The following DELE1 variants were observed in gnomAD, a reference collection of about 807,000 sequenced individuals.
DELE1 encodes DAP3 binding cell death enhancer 1.
In DELE1, 54 loss-of-function variants were observed where a neutral mutation model predicts 59.3. The observed-to-expected ratio is 0.91, with a 90% CI of 0.73 to 1.14. The LOEUF (loss-of-function observed/expected upper bound fraction) is 1.14. DELE1 is among the 50% of genes most tolerant of loss of function. The pLI, the probability that DELE1 is intolerant of heterozygous loss-of-function variation, is 0.00. For missense variants in DELE1, 636 were observed against 643.9 expected (o/e 0.99, Z 0.13); for synonymous variants, 264 against 259.1 (o/e 1.02, Z -0.18).
Position 141,933,380 on chromosome 5 carries a change from C to A in DELE1, c.876C>A (p.Gly292=). 6.6e-7 allele frequency: 1 copy of A among 1,515,560 alleles called. No individual in the cohort carries two copies. Among genetic ancestry groups the A allele is most frequent in the Non-Finnish European group, 9.0e-7 (1 of 1,112,884 alleles). 93.9% of individuals were successfully genotyped at this position (1,515,560 alleles called of 1,614,324 possible). Reference sequence around the variant, plus strand: ...GCTTGTGTCATGAGCATGGCAGAGGCACCCCCAGGGACATTAGCAAGGTAT... The same window carrying A: ...GCTTGTGTCATGAGCATGGCAGAGGAACCCCCAGGGACATTAGCAAGGTAT... The part of the protein sequence containing the change: ...NAGLCHEHGR[G]TPRDISKAVL... Residue 292 remains glycine, a synonymous_variant, in exon 8 of 12, where the codon GGC becomes GGA. Coordinates refer to ENST00000432126, the MANE Select transcript of DELE1 (RefSeq NM_014773.5).
In DELE1 at chr5:141,938,629, C is replaced by G. The variant is rs140060216; in HGVS notation, c.1418C>G (p.Ser473Trp). The change falls in exon 12 of 12, where the codon TCG (serine) becomes TGG (tryptophan). Residue 473 changes from serine to tryptophan, a missense_variant. Transcript: ENST00000432126. ...LAGTSRLPHA[S>W]STGNLGLLCR... ...GGAACCTCACGCCTACCACATGCCTCGAGCACAGGCAACCTTGGCCTCCTC... is the reference window on the plus strand; with the variant it reads ...GGAACCTCACGCCTACCACATGCCTGGAGCACAGGCAACCTTGGCCTCCTC... 42 of 1,614,030 alleles carry G rather than the reference C, an allele frequency of 2.6e-5. No homozygotes were observed. In the African/African-American group the frequency reaches 5.5e-4, roughly 21 times the overall value.
Position 141,937,247 on chromosome 5 carries a change from G to A in DELE1, c.1199G>A (p.Gly400Asp). 6.2e-7 allele frequency: 1 copy of A among 1,614,232 alleles called. No individual in the cohort carries two copies. The highest frequency in any genetic ancestry group is 1.1e-5 in the South Asian group (1 of 91,084). ...HLGICYEKGL[G>D]VQRNLGEALR... is the part of the protein sequence containing the mutation. ...GGAATTTGCTATGAGAAAGGCCTTG[G>A]TGTGCAGAGGAATCTGGGAGAGGCC... Residue 400 changes from glycine (G) to aspartate (D), a missense_variant, in exon 11 of 12, where the codon GGT becomes GAT. Physicochemically the swap from Gly to Asp is moderately conservative, Grantham distance 94. Transcript: ENST00000432126.
In DELE1 at chr5:141,923,964, T is replaced by G. The variant is rs1209601500; in HGVS notation, c.23T>G (p.Leu8Arg). 1.6e-5 allele frequency: 26 copies of G among 1,609,710 alleles called. No homozygotes were observed. Among genetic ancestry groups the G allele is most frequent in the Non-Finnish European group, 2.2e-5 (26 of 1,178,338 alleles). The change falls in exon 1 of 12, where the codon CTG becomes CGG. Residue 8 changes from leucine to arginine, a missense_variant. Leu to Arg is a moderately radical substitution (Grantham distance 102). Transcript: ENST00000432126. MWRLPGL[L>R]GRALPRTLGP... is the part of the protein sequence containing the mutation. ...GACATGTGGCGCCTCCCGGGACTCC[T>G]GGGCCGAGGTAAGGGACGTCCAAGC...
chr5:141,937,770 C>CA (rs1172381549), intron 11 of DELE1, among the ~76,000 whole-genome samples: 3,016 of 61,172 alleles, frequency 0.049, 533 homozygotes, highest in African/African-American at 0.17. Context: ...GATTCTGTTT[C>CA]AAAAAAAAAA....
intron 2 of DELE1, 50 bp from the exon 3 acceptor site, chr5:141,925,360 C>T (rs772316603): frequency 1.5e-6 from 2 of 1,294,998 alleles, no homozygotes; most frequent in Admixed American, 2.4e-5. Context: ...CGCACCCAGT[C>T]CCTGGTCTCC....
At position 141,934,342 on chromosome 5, in the gene DELE1, G is replaced by A; in HGVS notation, c.1000G>A (p.Glu334Lys). The stretch of plus-strand genomic sequence containing the variant: ...AGACCCAGCCTCTTCGTGGAACCCT[G>A]AGCGGCAGAGGGCAGTGTCCTTGCT... ...LRDPASSWNP[E>K]RQRAVSLLKQ... Residue 334 changes from glutamate to lysine, a missense_variant, in exon 9 of 12, where the codon GAG becomes AAG. Transcript: ENST00000432126. 6.2e-7 allele frequency: 1 copy of A among 1,614,212 alleles called. No individual in the cohort carries two copies. The highest frequency in any genetic ancestry group is 8.5e-7 in the Non-Finnish European group (1 of 1,180,044).
At chr5:141,937,474 A>T (rs1320403359) in intron 11 of DELE1, 117 bp downstream of exon 11, 2 of 1,255,308 alleles carry the variant, frequency 1.6e-6, no homozygotes, top group Non-Finnish European at 2.2e-6. Context: ...GTGGTGGCTA[A>T]GAATGCAGCT....
chr5:141,930,923 A>G (rs1193907909), intron 7 of DELE1, among the ~76,000 whole-genome samples: 1 of 152,200 alleles, frequency 6.6e-6, no homozygotes, highest in African/African-American at 2.4e-5. Context: ...ATTCACAACA[A>G]ATTTGTTGAG....
Position 141,938,714 on chromosome 5 carries a change from C to T in DELE1, c.1503C>T (p.His501=). The part of the protein sequence containing the change: ...LEASSRAIPP[H]PYPLERSVVR... ...CCTCCAGCAGGGCTATTCCCCCACACCCCTACCCACTGGAAAGGAGTGTTG... is the reference window on the plus strand; with the variant it reads ...CCTCCAGCAGGGCTATTCCCCCACATCCCTACCCACTGGAAAGGAGTGTTG... The change falls in exon 12 of 12, where the codon CAC becomes CAT. Residue 501 remains histidine (H), a synonymous_variant. Transcript: ENST00000432126. 1.2e-6 allele frequency: 2 copies of T among 1,614,102 alleles called. No individual in the cohort carries two copies. Among genetic ancestry groups the T allele is most frequent in the East Asian group, 2.2e-5 (1 of 44,880 alleles).
In DELE1 at chr5:141,928,203, C is replaced by T. The variant is rs1487684528; in HGVS notation, c.317C>T (p.Ala106Val). ...CTGGCAAGGCAGATCCACTTCCAGG[C>T]ATCCCTGCCAGCAGGACCTCAGCGG... ...LQLARQIHFQASLPAGPQRVE... is the reference protein window; with the variant it reads ...LQLARQIHFQVSLPAGPQRVE... The change falls in exon 4 of 12, where the codon GCA (alanine) becomes GTA (valine). Residue 106 changes from alanine to valine, a missense_variant. By Grantham distance (64) the Ala-to-Val change is moderately conservative. Transcript: ENST00000432126. The T allele has an allele frequency of 6.2e-7, 1 of 1,614,116 alleles. No homozygotes were observed. The highest frequency in any genetic ancestry group is 8.5e-7 in the Non-Finnish European group (1 of 1,180,036).
chr5:141,937,624 T>C (rs1412178870), intron 11 of DELE1, among the ~76,000 whole-genome samples: 1 of 148,046 alleles, frequency 6.8e-6, no homozygotes, highest in Non-Finnish European at 1.5e-5. Context: ...TAAAAAAAAA[T>C]TAGTTGGGCG....
intron 10 of DELE1, chr5:141,936,718 C>T (rs1349463946): frequency 3.9e-6 from 1 of 258,366 alleles, no homozygotes; most frequent in Non-Finnish European, 6.0e-6. Flanking sequence ...CAGGTGTGAG[C>T]CACCGCGCCC....
chr5:141,932,768 C>T (rs1304791588), intron 7 of DELE1, among the ~76,000 whole-genome samples: 1 of 152,062 alleles, frequency 6.6e-6, no homozygotes, highest in East Asian at 1.9e-4. Context: ...CACTGCTGTC[C>T]ATGGCAAACC....
At position 141,930,118 on chromosome 5, in the gene DELE1, T is replaced by C. The variant is rs116469790; in HGVS notation, c.657+44T>C. The C allele has an allele frequency of 9.2e-4, 1,478 of 1,606,656 alleles. 14 individuals carry two copies. In the African/African-American group the frequency reaches 0.018, roughly 19 times the overall value. On this transcript the variant is annotated intron_variant, in intron 6 of 11. Transcript: ENST00000432126. ...CACCTGGATCCCCATAACATTCTCT[T>C]GGGCAGGTGGCAATCCTGGTAAACC...
chr5:141,933,094 CAAAA>C (rs56720043), intron 7 of DELE1, among the ~76,000 whole-genome samples, 161 bp from the exon 8 acceptor site: 119 of 101,052 alleles, frequency 1.2e-3, no homozygotes, highest in African/African-American at 3.9e-3. Context: ...GACTCCATCT[CAAAA>C]AAAAAAAAAA....
intron 10 of DELE1, among the ~76,000 whole-genome samples, chr5:141,936,536 A>G (rs1012291523): frequency 6.6e-6 from 1 of 152,114 alleles, no homozygotes; most frequent in African/African-American, 2.4e-5. Context: ...CCGGGTTCAC[A>G]TGATTCTCCT....
chr5:141,935,813 G>T (rs1037810626), intron 10 of DELE1, among the ~76,000 whole-genome samples: 1 of 152,214 alleles, frequency 6.6e-6, no homozygotes, highest in Non-Finnish European at 1.5e-5. Flanking sequence ...GCTATATGAC[G>T]CTGTATTGGG....
intron 11 of DELE1, among the ~76,000 whole-genome samples, chr5:141,938,077 C>T (rs1198909477): frequency 1.3e-5 from 2 of 152,036 alleles, no homozygotes; most frequent in East Asian, 2.0e-4. Flanking sequence ...CCACCCGCCT[C>T]GGCCTCCCAA....
intron 11 of DELE1, among the ~76,000 whole-genome samples, chr5:141,937,559 A>C (rs1036086651): frequency 6.6e-6 from 1 of 151,982 alleles, no homozygotes; most frequent in African/African-American, 2.4e-5. Context: ...TCACCAGGTC[A>C]GGAGATCGAG....
Sources: allele counts gnomAD v4.1 joint callset (sites outside exome capture counted in the v4.1 genomes callset), GRCh38; gene constraint gnomAD v4.1.1; transcripts MANE v1.5; gene names NCBI Gene and HGNC (gene_info 2026-07-23, HGNC 2026-07-21).